The following HHLA1 variants were observed in gnomAD, a reference collection of about 807,000 sequenced individuals.
HHLA1 encodes the protein HERV-H LTR-associating protein 1.
Under a neutral mutation model 69.9 loss-of-function variants are expected in HHLA1, and 72 were observed. The ratio of observed to expected loss-of-function variants is 1.03; its 90% confidence interval spans 0.85 to 1.25. The LOEUF (loss-of-function observed/expected upper bound fraction) is 1.25, where lower values mean the gene tolerates loss of function less well. Among genes scored for constraint, HHLA1 ranks in the 50% most tolerant of loss-of-function variants. The probability of loss-of-function intolerance (pLI) is 0.00; values close to 1 mark genes in which losing one functional copy is unlikely to be tolerated. For synonymous variants in HHLA1, 252 were observed against 233.2 expected (o/e 1.08, Z -0.73); for missense variants, 685 against 642.2 (o/e 1.07, Z -0.72).
intron 8 of HHLA1, among the ~76,000 whole-genome samples, 188 bp from the exon 9 acceptor site, chr8:132,088,089 G>T (rs1823891894): frequency 1.3e-5 from 2 of 152,162 alleles, no homozygotes; most frequent in African/African-American, 4.8e-5. Flanking sequence ...TTTGGGGGAT[G>T]GTGTAGTGGC....
chr8:132,099,040 G>T, intron 4 of HHLA1, 78 bp from the exon 5 acceptor site: 1 of 1,108,530 alleles, frequency 9.0e-7, no homozygotes, highest in Non-Finnish European at 1.3e-6. Context: ...CAAACTTCAG[G>T]CAGATATTCA....
intron 10 of HHLA1, among the ~76,000 whole-genome samples, chr8:132,083,456 G>C (rs1244396345): frequency 6.6e-6 from 1 of 152,108 alleles, no homozygotes. Flanking sequence ...CTTGGCGTCC[G>C]TGATGGTCTA....
Position 132,098,934 on chromosome 8 carries a change from G to C in HHLA1, c.228C>G (p.Ser76=), listed in dbSNP as rs72715366. Residue 76 remains serine, a synonymous_variant, in exon 5 of 17, where the codon TCC becomes TCG. Coordinates refer to ENST00000414222, the MANE Select transcript of HHLA1 (RefSeq NM_001145095.3). The part of the protein sequence containing the change: ...TELPARSIDL[S]ALNLTELVNG... ...TCACAAGCTCTGTCAGGTTAAGCGC[G>C]GACAGATCGATTGACCTTGCGGGCA... 1.3e-6 allele frequency: 2 copies of C among 1,550,574 alleles called. No individual in the cohort carries two copies. The highest frequency in any genetic ancestry group is 2.4e-5 in the South Asian group (2 of 83,974).
chr8:132,103,935 G>T, intron 3 of HHLA1, 173 bp downstream of exon 3: 2 of 567,952 alleles, frequency 3.5e-6, no homozygotes, highest in South Asian at 2.7e-5. Context: ...AGATCACAAG[G>T]ATTCAATGAA....
intron 15 of HHLA1, among the ~76,000 whole-genome samples, chr8:132,068,206 G>T (rs530722678): frequency 6.6e-6 from 1 of 152,326 alleles, no homozygotes; most frequent in South Asian, 2.1e-4. Flanking sequence ...TTAAGTTGCA[G>T]CAACCACAGA....
intron 1 of HHLA1, among the ~76,000 whole-genome samples, chr8:132,108,797 A>G (rs1824247837): frequency 6.6e-6 from 1 of 152,086 alleles, no homozygotes; most frequent in African/African-American, 2.4e-5. Flanking sequence ...AGAAGACGGA[A>G]AGTGGGTGCT....
chr8:132,085,460 C>T (rs753229715), intron 10 of HHLA1: 14 of 393,568 alleles, frequency 3.6e-5, no homozygotes, highest in African/African-American at 2.2e-4. Context: ...GACCTGAGGT[C>T]GTAGGTGGAT....
chr8:132,106,360 T>C (rs1824201820), intron 1 of HHLA1, among the ~76,000 whole-genome samples: 1 of 152,202 alleles, frequency 6.6e-6, no homozygotes, highest in Non-Finnish European at 1.5e-5. Flanking sequence ...CCCAGAAACA[T>C]TTAAATAGCT....
chr8:132,069,228 C>A (rs1472742512), intron 15 of HHLA1, among the ~76,000 whole-genome samples: 1 of 152,194 alleles, frequency 6.6e-6, no homozygotes, highest in Non-Finnish European at 1.5e-5. Context: ...CTGGAAAACT[C>A]CTATTCCTCC....
In HHLA1 at chr8:132,063,993, C is replaced by A. The variant is rs982078107; in HGVS notation, c.*2G>T. The A allele has an allele frequency of 2.3e-6, 3 of 1,300,710 alleles. No individual in the cohort carries two copies. Among genetic ancestry groups the A allele is most frequent in the Non-Finnish European group, 3.0e-6 (3 of 985,688 alleles). 80.6% of individuals were successfully genotyped at this position (1,300,710 alleles called of 1,614,324 possible). The stretch of plus-strand genomic sequence containing the variant: ...TTATGCCCTAGTGTTATTTTCAAGG[C>A]CTCACACAGACTTGCAGATATTCTC... On this transcript the variant is annotated 3_prime_UTR_variant, in exon 17 of 17. Coordinates refer to ENST00000414222, the MANE Select transcript of HHLA1 (RefSeq NM_001145095.3).
intron 11 of HHLA1, 32 bp downstream of exon 11, chr8:132,079,685 CA>C (rs1823706307): frequency 2.0e-6 from 3 of 1,512,762 alleles, no homozygotes; most frequent in Admixed American, 4.4e-5. Flanking sequence ...CGAGACATAG[CA>C]AAGGGGAGGA....
chr8:132,072,209 G>A (rs1823558668), intron 14 of HHLA1, among the ~76,000 whole-genome samples: 1 of 152,070 alleles, frequency 6.6e-6, no homozygotes, highest in Non-Finnish European at 1.5e-5. Flanking sequence ...GATAAAAGAA[G>A]GAGACAACAA....
At chr8:132,108,292 G>A (rs772921408) in intron 1 of HHLA1, among the ~76,000 whole-genome samples, 6 of 152,118 alleles carry the variant, frequency 3.9e-5, no homozygotes, top group South Asian at 2.1e-4. Flanking sequence ...AAGTAATGGC[G>A]AAAACCTCAA....
Position 132,061,901 on chromosome 8 carries a change from C to G in HHLA1, c.*2094G>C, listed in dbSNP as rs149524564. On this transcript the variant is annotated 3_prime_UTR_variant, in exon 17 of 17. Coordinates refer to ENST00000414222, the MANE Select transcript of HHLA1 (RefSeq NM_001145095.3). The stretch of plus-strand genomic sequence containing the variant: ...TCCTTGCATAAGCCTCAGAGGTATT[C>G]CGCATTTGAGCTTCTTAAAGATTAT... 1.3e-5 allele frequency: 2 copies of G among 152,340 alleles called. No homozygotes were observed. The highest frequency in any genetic ancestry group is 3.9e-4 in the East Asian group (2 of 5,186). The allele number at this position is 152,340 out of a possible 1,614,324, so 9.4% of individuals were successfully genotyped here.
chr8:132,099,483 A>G (rs1385598919), intron 4 of HHLA1, among the ~76,000 whole-genome samples: 2 of 152,172 alleles, frequency 1.3e-5, no homozygotes, highest in African/African-American at 4.8e-5. Context: ...GGAGGGAGAA[A>G]TCTCCCAGGT....
chr8:132,087,836 G>T lies in HHLA1; in HGVS notation c.589+9C>A, dbSNP rs1171651811. On this transcript the variant is annotated intron_variant, in intron 9 of 16. Transcript: ENST00000414222. Reference sequence around the variant, plus strand: ...CAGAGAGCTTGTCAAAGAATGTCTAGTGGTTTACCTGACTTTCCTGTCATC... The same window carrying T: ...CAGAGAGCTTGTCAAAGAATGTCTATTGGTTTACCTGACTTTCCTGTCATC... 5 of 1,550,718 alleles carry T rather than the reference G, an allele frequency of 3.2e-6. No individual in the cohort carries two copies. In the East Asian group the frequency reaches 1.2e-4, roughly 38 times the overall value.
rs1485833647 is a variant in HHLA1 at position 132,100,075 on chromosome 8, C to A, written c.199G>T (p.Glu67Ter). ...EKGVAFLATT[E>*]LPARSIDLSA... ...AGGGATTTGGGGGAGCGGCACTCAC[C>A]CGTCGTAGCAAGAAATGCCACCCCC... is the stretch of plus-strand genomic sequence containing the variant. The change falls in exon 4 of 17, where the codon GAG (glutamate) becomes TAG (stop). Residue 67 changes from glutamate (E) to a stop codon, truncating the protein, a stop_gained and splice_region_variant. Transcript: ENST00000414222. LOFTEE classifies it high-confidence loss of function. The A allele has an allele frequency of 3.9e-6, 6 of 1,551,172 alleles. 1 individual carries two copies. The Admixed American group carries it at 9.8e-5, about 25-fold the overall frequency.
chr8:132,094,427 C>T (rs1251207208), intron 7 of HHLA1, among the ~76,000 whole-genome samples: 1 of 152,194 alleles, frequency 6.6e-6, no homozygotes, highest in African/African-American at 2.4e-5. Flanking sequence ...CCCCACTTTG[C>T]CCTCACCAAT....
At chr8:132,083,337 T>C (rs965907387) in intron 10 of HHLA1, among the ~76,000 whole-genome samples, 1 of 152,020 alleles carries the variant, frequency 6.6e-6, no homozygotes, top group Admixed American at 6.6e-5. Context: ...ACAACAGTTA[T>C]GGAGGCAAGG....
Sources: gnomAD v4.1 joint callset for allele counts (sites outside exome capture counted in the v4.1 genomes callset) on GRCh38, gnomAD v4.1.1 for gene constraint, MANE v1.5 for transcripts, NCBI Gene and HGNC (gene_info 2026-07-23, HGNC 2026-07-21) for gene names.